EPHA6: variants seen among roughly 807,000 people sequenced by gnomAD.
EPHA6 encodes the protein ephrin type-A receptor 6.
Under a neutral mutation model 112.0 loss-of-function variants are expected in EPHA6, and 50 were observed. That is an observed-to-expected ratio of 0.45 (90% CI 0.36 to 0.56). The LOEUF (loss-of-function observed/expected upper bound fraction) is 0.56. Ranked by LOEUF, EPHA6 falls within the 20% of genes least tolerant of loss-of-function variation. The pLI, the probability that EPHA6 is intolerant of heterozygous loss-of-function variation, is 0.00. For synonymous variants in EPHA6, 529 were observed against 490.7 expected (o/e 1.08, Z -1.03); for missense variants, 1,280 against 1,417.4 (o/e 0.90, Z 1.56).
intron 5 of EPHA6, among the ~76,000 whole-genome samples, chr3:97,291,256 A>G (rs570471468): frequency 2.9e-4 from 44 of 152,270 alleles, no homozygotes; most frequent in African/African-American, 1.0e-3. Context: ...GAAGATTTCA[A>G]TTTTTACATT....
chr3:97,409,349 A>T (rs906799201), intron 6 of EPHA6, among the ~76,000 whole-genome samples: 18 of 152,082 alleles, frequency 1.2e-4, no homozygotes, highest in African/African-American at 4.3e-4. Flanking sequence ...GTAATCTTTT[A>T]AGTGTTTTGC....
intron 1 of EPHA6, among the ~76,000 whole-genome samples, chr3:96,850,312 T>C (rs1348457936): frequency 1.3e-5 from 2 of 152,050 alleles, no homozygotes; most frequent in East Asian, 3.9e-4. Context: ...GAAGCTGGAC[T>C]GCACCAGGAG....
chr3:97,638,394 T>A (rs1387160624), intron 14 of EPHA6, among the ~76,000 whole-genome samples: 2 of 152,158 alleles, frequency 1.3e-5, no homozygotes, highest in Non-Finnish European at 2.9e-5. Context: ...GATGATTTAA[T>A]AATTTTATTT....
At chr3:97,148,975 G>A (rs1404748824) in intron 3 of EPHA6, among the ~76,000 whole-genome samples, 2 of 152,088 alleles carry the variant, frequency 1.3e-5, no homozygotes, top group Non-Finnish European at 2.9e-5. Context: ...AACTCCTGTA[G>A]GGAAATTCTG....
intron 5 of EPHA6, among the ~76,000 whole-genome samples, chr3:97,393,937 G>T (rs560859355): frequency 6.6e-6 from 1 of 151,752 alleles, no homozygotes; most frequent in Non-Finnish European, 1.5e-5. Context: ...GTGTATCATT[G>T]TGTATATAGA....
chr3:96,852,634 A>C (rs1368918828), intron 1 of EPHA6, among the ~76,000 whole-genome samples: 1 of 151,824 alleles, frequency 6.6e-6, no homozygotes, highest in African/African-American at 2.4e-5. Flanking sequence ...TCCTGGTGTA[A>C]AAATGGCTTG....
At chr3:97,469,395 T>C (rs2091156627) in intron 7 of EPHA6, among the ~76,000 whole-genome samples, 1 of 151,750 alleles carries the variant, frequency 6.6e-6, no homozygotes, top group Non-Finnish European at 1.5e-5. Context: ...GAAGTAAAAC[T>C]GTGAGGTATC....
At chr3:97,490,271 C>A (rs946299291) in intron 10 of EPHA6, among the ~76,000 whole-genome samples, 6 of 151,812 alleles carry the variant, frequency 4.0e-5, no homozygotes, top group African/African-American at 1.5e-4. Flanking sequence ...AAGAAAAATT[C>A]ATAGAGGACA....
At chr3:97,271,629 G>T (rs967880276) in intron 5 of EPHA6, among the ~76,000 whole-genome samples, 2 of 152,062 alleles carry the variant, frequency 1.3e-5, no homozygotes, top group African/African-American at 4.8e-5. Flanking sequence ...AAGTGCTGGG[G>T]TTACAGGCAT....
chr3:97,601,148 A>G (rs985014232), intron 12 of EPHA6, among the ~76,000 whole-genome samples: 3 of 152,096 alleles, frequency 2.0e-5, no homozygotes, highest in Non-Finnish European at 4.4e-5. Flanking sequence ...TTTTATTATT[A>G]CAGATTGTGC....
intron 3 of EPHA6, among the ~76,000 whole-genome samples, chr3:96,989,026 T>C (rs1385132293): frequency 1.3e-5 from 2 of 152,254 alleles, no homozygotes; most frequent in African/African-American, 4.8e-5. Context: ...AATTATTTCA[T>C]GGTAAATAGT....
At chr3:97,590,213 C>T (rs2093530220) in intron 11 of EPHA6, 1 of 152,008 alleles carries the variant, frequency 6.6e-6, no homozygotes, top group African/African-American at 2.4e-5. Flanking sequence ...TCTGTTTTTT[C>T]AGCTGTGAAA....
chr3:97,202,285 A>T (rs2077595348), intron 3 of EPHA6, among the ~76,000 whole-genome samples: 1 of 152,040 alleles, frequency 6.6e-6, no homozygotes, highest in Admixed American at 6.6e-5. Flanking sequence ...AAGAAGCTTG[A>T]GGTCAATGCT....
rs551095442 is a variant in EPHA6 at position 97,648,727 on chromosome 3, G to C, written c.2784+10645G>C. 86 of 750,952 alleles carry C rather than the reference G, an allele frequency of 1.1e-4. No individual in the cohort carries two copies. In the African/African-American group the frequency reaches 1.5e-3, roughly 13 times the overall value. The allele number at this position is 750,952 out of a possible 1,614,324, so 46.5% of individuals were successfully genotyped here. On this transcript the variant is annotated intron_variant, in intron 14 of 17. Coordinates refer to ENST00000389672, the MANE Select transcript of EPHA6 (RefSeq NM_001080448.3). ...GTAAAAAGTTTGCAGCGAGAAAAAA[G>C]ATTAAAGGTTTCAATTACAATTATA...
At chr3:97,035,321 C>T (rs2045047831) in intron 3 of EPHA6, among the ~76,000 whole-genome samples, 1 of 151,912 alleles carries the variant, frequency 6.6e-6, no homozygotes, top group Admixed American at 6.6e-5. Flanking sequence ...AAGTCTCTCA[C>T]CAGGATGCTT....
chr3:97,625,127 A>G (rs547747960), intron 13 of EPHA6, among the ~76,000 whole-genome samples: 1 of 151,246 alleles, frequency 6.6e-6, no homozygotes, highest in Non-Finnish European at 1.5e-5. Flanking sequence ...TTACGTTGTT[A>G]AGGTAGGTTG....
intron 2 of EPHA6, among the ~76,000 whole-genome samples, chr3:96,937,174 G>T (rs531756163): frequency 2.6e-5 from 4 of 152,276 alleles, no homozygotes; most frequent in South Asian, 4.1e-4. Flanking sequence ...AGATCCCTGA[G>T]GAATCGCCAC....
At chr3:97,658,623 TA>T (rs1223617237) in intron 14 of EPHA6, among the ~76,000 whole-genome samples, 2 of 151,940 alleles carry the variant, frequency 1.3e-5, no homozygotes, top group Non-Finnish European at 2.9e-5. Flanking sequence ...CAATATACCT[TA>T]CGGGAAATAG....
intron 15 of EPHA6, among the ~76,000 whole-genome samples, chr3:97,723,020 C>T (rs1373209641): frequency 6.6e-6 from 1 of 152,046 alleles, no homozygotes; most frequent in Non-Finnish European, 1.5e-5. Flanking sequence ...TTTTAATATC[C>T]ACTTTAACAG....
Sources: allele counts gnomAD v4.1 joint callset (sites outside exome capture counted in the v4.1 genomes callset), GRCh38; gene constraint gnomAD v4.1.1; transcripts MANE v1.5; gene names NCBI Gene and HGNC (gene_info 2026-07-23, HGNC 2026-07-21).